ETV5: variants seen among roughly 807,000 people sequenced by gnomAD.
ETV5 encodes the protein ETS translocation variant 5.
ETV5 carries 10 observed loss-of-function variants against 70.0 expected under a neutral mutation model. That is an observed-to-expected ratio of 0.14 (90% CI 0.09 to 0.24). The LOEUF is 0.24. Among genes scored for constraint, ETV5 ranks in the 10% least tolerant of loss-of-function variants. The pLI, the probability that ETV5 is intolerant of heterozygous loss-of-function variation, is 1.00. For missense variants in ETV5, 453 were observed against 651.2 expected, an observed-to-expected ratio of 0.70 and a Z score of 3.31; for synonymous variants, 216 against 242.2, an observed-to-expected ratio of 0.89 and a Z score of 1.01.
chr3:186,105,787 G>A lies in ETV5; in HGVS notation c.45+37C>T, dbSNP rs1217848963. 8.7e-6 allele frequency: 14 copies of A among 1,610,744 alleles called. No homozygotes were observed. The highest frequency in any genetic ancestry group is 1.3e-5 in the African/African-American group (1 of 74,856). ...ACAGGGGGAAGACTCATATTGGAGA[G>A]GGAGGACAAAACAAACCAAAAGCCA... On this transcript the variant is annotated intron_variant, in intron 2 of 12. Coordinates refer to ENST00000306376, the MANE Select transcript of ETV5 (RefSeq NM_004454.3). This position sits in a 1 kb window ranked among gnomAD's most constrained non-coding sequence, Gnocchi z 4.5.
At position 186,046,708 on chromosome 3, in the gene ETV5, A is replaced by G. The variant is rs984211107; in HGVS notation, c.*1931T>C. 1 of 232,932 alleles carries G rather than the reference A, an allele frequency of 4.3e-6. No homozygotes were observed. Among genetic ancestry groups the G allele is most frequent in the Admixed American group, 5.6e-5 (1 of 17,756 alleles). 14.4% of individuals were successfully genotyped at this position (232,932 alleles called of 1,614,324 possible). A position where few individuals can be genotyped will look rare whatever the true frequency, so the allele number is the denominator to read the frequency against. On this transcript the variant is annotated 3_prime_UTR_variant, in exon 13 of 13. Coordinates refer to ENST00000306376, the MANE Select transcript of ETV5 (RefSeq NM_004454.3). ...AAAAAATCCAAACCAGGGTAAGTAA[A>G]GAAAGGAAAACCAAATCTATACAGC... is the stretch of plus-strand genomic sequence containing the variant.
chr3:186,053,609 C>T (rs770336832), intron 11 of ETV5, among the ~76,000 whole-genome samples: 11 of 152,198 alleles, frequency 7.2e-5, no homozygotes, highest in Non-Finnish European at 1.6e-4. Context: ...AATGATTCTG[C>T]TCTGCCTTGC....
intron 5 of ETV5, among the ~76,000 whole-genome samples, chr3:186,086,800 A>T (rs1714068213): frequency 7.0e-6 from 1 of 142,316 alleles, no homozygotes; most frequent in Non-Finnish European, 1.5e-5. Context: ...CTACAAAAAG[A>T]TACGAAAAAA....
Position 186,047,182 on chromosome 3 carries a change from CT to C in ETV5, c.*1456del. The C allele has an allele frequency of 4.4e-6, 1 of 229,290 alleles. No individual in the cohort carries two copies. Among genetic ancestry groups the C allele is most frequent in the Non-Finnish European group, 8.7e-6 (1 of 115,312 alleles). The allele number at this position is 229,290 out of a possible 1,614,324, so 14.2% of individuals were successfully genotyped here. The stretch of plus-strand genomic sequence containing the variant: ...GCAGGCAGCAAGGTACCACCAGTAA[CT>C]TTTCCTCTACTTTGAGCTCAACTTT... On this transcript the variant is annotated 3_prime_UTR_variant, in exon 13 of 13. Coordinates refer to ENST00000306376, the MANE Select transcript of ETV5 (RefSeq NM_004454.3).
intron 1 of ETV5, chr3:186,108,557 C>T: frequency 3.1e-6 from 4 of 1,272,072 alleles, no homozygotes; most frequent in Non-Finnish European, 4.1e-6. Context: ...GGAGCTCCGC[C>T]AAGCGTCTCT....
intron 7 of ETV5, among the ~76,000 whole-genome samples, chr3:186,068,681 G>C: frequency 6.6e-6 from 1 of 152,126 alleles, no homozygotes; most frequent in Middle Eastern, 3.2e-3. Context: ...CTGTGACATG[G>C]GGATGTATTA....
chr3:186,080,395 G>A (rs764297154), intron 6 of ETV5, among the ~76,000 whole-genome samples: 1 of 150,648 alleles, frequency 6.6e-6, no homozygotes, highest in Non-Finnish European at 1.5e-5. Context: ...GTGTATGCCT[G>A]TGTAGGGTGG....
chr3:186,101,018 C>T (rs1279351649), intron 5 of ETV5, among the ~76,000 whole-genome samples: 2 of 152,138 alleles, frequency 1.3e-5, no homozygotes, highest in East Asian at 1.9e-4. Context: ...CACCTTACCC[C>T]GACTTTGAAA....
intron 12 of ETV5, among the ~76,000 whole-genome samples, chr3:186,050,506 G>T (rs773660261): frequency 2.6e-5 from 4 of 152,168 alleles, no homozygotes; most frequent in Non-Finnish European, 5.9e-5. Flanking sequence ...GAGGATAGAG[G>T]ACAATGGGGA....
chr3:186,085,460 C>T (rs995964729), intron 5 of ETV5, among the ~76,000 whole-genome samples: 2 of 151,764 alleles, frequency 1.3e-5, no homozygotes, highest in Admixed American at 1.3e-4. Context: ...ATCTCTATTT[C>T]ACCTCCATTG....
intron 7 of ETV5, chr3:186,078,198 G>C: frequency 9.5e-7 from 1 of 1,051,392 alleles, no homozygotes; most frequent in Non-Finnish European, 1.1e-6. Flanking sequence ...TGTTAATACA[G>C]TATGTTACAT....
chr3:186,097,151 C>T (rs1350522846), intron 5 of ETV5, among the ~76,000 whole-genome samples: 1 of 152,088 alleles, frequency 6.6e-6, no homozygotes, highest in African/African-American at 2.4e-5. Flanking sequence ...CTGGTACTTC[C>T]AAGGATGTTC....
intron 7 of ETV5, among the ~76,000 whole-genome samples, chr3:186,068,328 A>C (rs1713502784): frequency 6.6e-6 from 1 of 152,246 alleles, no homozygotes; most frequent in South Asian, 2.1e-4. Context: ...AGAGTATCAA[A>C]GCTTAGCAAA....
intron 1 of ETV5, chr3:186,106,849 C>T: frequency 3.0e-6 from 2 of 669,276 alleles, no homozygotes; most frequent in Non-Finnish European, 3.7e-6. Context: ...AATAAAGTAA[C>T]AATTTCAGGG....
rs1712933495 is a variant in ETV5 at position 186,048,396 on chromosome 3, A to C, written c.*243T>G. 3.7e-6 allele frequency: 2 copies of C among 545,246 alleles called. No individual in the cohort carries two copies. Among genetic ancestry groups the C allele is most frequent in the Non-Finnish European group, 6.6e-6 (2 of 303,000 alleles). 33.8% of individuals were successfully genotyped at this position (545,246 alleles called of 1,614,324 possible). A position where few individuals can be genotyped will look rare whatever the true frequency, so the allele number is the denominator to read the frequency against. On this transcript the variant is annotated 3_prime_UTR_variant, in exon 13 of 13. Transcript: ENST00000306376. Reference sequence around the variant, plus strand: ...ACTCCATTTTGATCTCTTCCCAGAAACCTCATCAGAATCAAGAGTTGAGGC... The same window carrying C: ...ACTCCATTTTGATCTCTTCCCAGAACCCTCATCAGAATCAAGAGTTGAGGC...
rs147224917 is a variant in ETV5, at chr3:186,076,614, T to A, written c.650+3203A>T. 265 of 185,430 alleles carry A rather than the reference T, an allele frequency of 1.4e-3. 5 individuals are homozygous for A. Among genetic ancestry groups the A allele is most frequent in the African/African-American group, 5.7e-3 (245 of 42,728 alleles). 11.5% of individuals were successfully genotyped at this position (185,430 alleles called of 1,614,324 possible). A position where few individuals can be genotyped will look rare whatever the true frequency, so the allele number is the denominator to read the frequency against. On this transcript the variant is annotated intron_variant, in intron 7 of 12. Coordinates refer to ENST00000306376, the MANE Select transcript of ETV5 (RefSeq NM_004454.3). ...GGCAAGGGTGTACTTTTGACTAGAT[T>A]ACATTTTAGCTATTTACGGTATAAT...
rs566750522 is a variant in ETV5, at chr3:186,069,506, T to G, written c.651-3434A>C. Among the ~76,000 whole-genome samples the G allele has an allele frequency of 1.9e-3, 280 of 149,840 alleles. 3 individuals are homozygous for G. The highest frequency in any genetic ancestry group is 0.014 in the Middle Eastern group (4 of 294). Reference sequence around the variant, plus strand: ...CAGAAAAGAGAGACGAAGTTGTTTTTTTTTTTTTTTTTTTAAAAAAAGTCT... The same window carrying G: ...CAGAAAAGAGAGACGAAGTTGTTTTGTTTTTTTTTTTTTTAAAAAAAGTCT... On this transcript the variant is annotated intron_variant, in intron 7 of 12. Transcript: ENST00000306376.
chr3:186,092,037 T>C (rs1714194059), intron 5 of ETV5, among the ~76,000 whole-genome samples: 1 of 152,208 alleles, frequency 6.6e-6, no homozygotes, highest in Admixed American at 6.5e-5. Context: ...GGGAAGATTT[T>C]TGAAATGCAA....
intron 11 of ETV5, among the ~76,000 whole-genome samples, chr3:186,053,711 T>C (rs771570753): frequency 2.6e-5 from 4 of 152,116 alleles, no homozygotes; most frequent in Non-Finnish European, 5.9e-5. Context: ...CTCCATATGG[T>C]ACCCACTCTA....
Sources: gnomAD v4.1 joint callset for allele counts (sites outside exome capture counted in the v4.1 genomes callset) on GRCh38, gnomAD v4.1.1 for gene constraint, Gnocchi (gnomAD v3.1) non-coding constraint, MANE v1.5 for transcripts, NCBI Gene and HGNC (gene_info 2026-07-23, HGNC 2026-07-21) for gene names.